The following PDE11A variants were observed in gnomAD, a reference collection of about 807,000 sequenced individuals.
The protein encoded by PDE11A is phosphodiesterase 11A.
A neutral mutation model predicts 100.5 loss-of-function variants in PDE11A; 100 were observed. The ratio of observed to expected loss-of-function variants is 1.00; its 90% CI spans 0.85 to 1.18. The LOEUF (loss-of-function observed/expected upper bound fraction) is 1.18, where lower values mean the gene tolerates loss of function less well. Ranked by LOEUF, PDE11A falls within the 50% of genes most tolerant of loss-of-function variation. PDE11A has a pLI of 0.00. For synonymous variants in PDE11A, 381 were observed against 420.8 expected (o/e 0.91, Z 1.16); for missense variants, 1,141 against 1,152.6 (o/e 0.99, Z 0.15).
chr2:177,905,913 C>T (rs543935681), intron 2 of PDE11A, among the ~76,000 whole-genome samples: 1 of 152,296 alleles, frequency 6.6e-6, no homozygotes. Flanking sequence ...GATGGGCCTA[C>T]CCCTAACAAA....
intron 3 of PDE11A, 37 bp from the exon 4 acceptor site, chr2:177,898,235 A>G: frequency 6.7e-7 from 1 of 1,487,124 alleles, no homozygotes; most frequent in Non-Finnish European, 9.3e-7. Context: ...AAGTGGATGT[A>G]AAACTGAAAA....
At chr2:178,088,322 C>G (rs761748884) in intron 2 of PDE11A, among the ~76,000 whole-genome samples, 22 of 152,194 alleles carry the variant, frequency 1.4e-4, no homozygotes, top group Non-Finnish European at 2.6e-4. Context: ...CATAAATGCT[C>G]AAAATTATTC....
chr2:177,929,595 C>T lies in PDE11A; in HGVS notation c.1072-24408G>A, dbSNP rs569995672. Among the ~76,000 whole-genome samples the T allele has an allele frequency of 2.0e-5, 3 of 152,304 alleles. No homozygotes were observed. In the South Asian group the frequency reaches 6.2e-4, roughly 32 times the overall value. On this transcript the variant is annotated intron_variant, in intron 2 of 19. Coordinates refer to ENST00000286063, the MANE Select transcript of PDE11A (RefSeq NM_016953.4). Reference sequence around the variant, plus strand: ...TGAAGTGGCTTCTGTGGTCTACCTTCCCTTTCAACATTTGGCATTTTCCTG... The same window carrying T: ...TGAAGTGGCTTCTGTGGTCTACCTTTCCTTTCAACATTTGGCATTTTCCTG...
intron 1 of PDE11A, among the ~76,000 whole-genome samples, chr2:178,020,055 CTCA>C (rs1252962051): frequency 1.3e-5 from 2 of 152,094 alleles, no homozygotes; most frequent in Admixed American, 6.5e-5. Flanking sequence ...CTCTGTTATC[CTCA>C]TATGAGAACC....
intron 2 of PDE11A, among the ~76,000 whole-genome samples, chr2:178,002,852 T>C (rs1380605372): frequency 6.6e-6 from 1 of 152,184 alleles, no homozygotes; most frequent in Non-Finnish European, 1.5e-5. Context: ...ATACTGCTAC[T>C]GGCATTATGA....
rs1482352439 is a variant in PDE11A at position 177,626,354 on chromosome 2, T to A, written c.*3053A>T. 1 of 152,608 alleles carries A rather than the reference T, an allele frequency of 6.6e-6. No homozygotes were observed. The highest frequency in any genetic ancestry group is 1.5e-5 in the Non-Finnish European group (1 of 68,040). The allele number at this position is 152,608 out of a possible 1,614,324, so 9.5% of individuals were successfully genotyped here. On this transcript the variant is annotated 3_prime_UTR_variant, in exon 20 of 20. Coordinates refer to ENST00000286063, the MANE Select transcript of PDE11A (RefSeq NM_016953.4). ...TCCATTTGTCTGGGCTATTTATTTA[T>A]TTATTGTTGGGGAGGATAACAGATG...
At chr2:177,897,982 C>A in intron 4 of PDE11A, 76 bp downstream of exon 4, 1 of 1,243,578 alleles carries the variant, frequency 8.0e-7, no homozygotes, top group Non-Finnish European at 1.2e-6. Flanking sequence ...CACAATTTCA[C>A]AAGTTTAATT....
At chr2:177,782,859 CTTCT>C (rs1346502235) in intron 9 of PDE11A, among the ~76,000 whole-genome samples, 5 of 151,168 alleles carry the variant, frequency 3.3e-5, no homozygotes, top group Non-Finnish European at 4.4e-5. Context: ...CCTTCCCTTC[CTTCT>C]TTCTCTATCT....
intron 1 of PDE11A, among the ~76,000 whole-genome samples, chr2:178,066,867 C>T (rs543059401): frequency 3.3e-5 from 5 of 152,322 alleles, no homozygotes; most frequent in African/African-American, 1.2e-4. Flanking sequence ...CTGGAGCTTG[C>T]TATGGATTAG....
chr2:177,638,402 C>T (rs1228882784), intron 19 of PDE11A, among the ~76,000 whole-genome samples: 1 of 151,998 alleles, frequency 6.6e-6, no homozygotes, highest in Admixed American at 6.6e-5. Flanking sequence ...TCAATCTTTC[C>T]TCTACCCTCT....
chr2:177,804,541 C>T (rs1297566888), intron 9 of PDE11A, among the ~76,000 whole-genome samples: 1 of 151,820 alleles, frequency 6.6e-6, no homozygotes, highest in African/African-American at 2.4e-5. Context: ...AAAAACAGAA[C>T]TACCATTCAA....
intron 4 of PDE11A, among the ~76,000 whole-genome samples, chr2:177,886,477 A>G (rs555760594): frequency 1.1e-4 from 16 of 152,346 alleles, no homozygotes; most frequent in African/African-American, 3.8e-4. Context: ...CACAGAGTTA[A>G]GATCTTGGTG....
At chr2:177,670,197 G>A (rs140546789) in intron 17 of PDE11A, among the ~76,000 whole-genome samples, 1 of 152,154 alleles carries the variant, frequency 6.6e-6, no homozygotes, top group African/African-American at 2.4e-5. Context: ...TGAAGAGCAT[G>A]ACTTGGTCTT....
intron 5 of PDE11A, among the ~76,000 whole-genome samples, chr2:177,873,706 A>G (rs1489719577): frequency 6.6e-6 from 1 of 152,154 alleles, no homozygotes; most frequent in African/African-American, 2.4e-5. Context: ...AAATGAACTG[A>G]TTTACTTTCT....
At chr2:177,747,620 CT>C (rs1257376090) in intron 10 of PDE11A, among the ~76,000 whole-genome samples, 1 of 152,224 alleles carries the variant, frequency 6.6e-6, no homozygotes, top group Non-Finnish European at 1.5e-5. Context: ...TCCTTTTCAC[CT>C]TTCTCCTTTC....
intron 12 of PDE11A, among the ~76,000 whole-genome samples, chr2:177,718,997 G>A (rs1384888221): frequency 6.6e-6 from 1 of 152,148 alleles, no homozygotes; most frequent in South Asian, 2.1e-4. Context: ...GTTACCCTTC[G>A]AGCCAGCAGA....
chr2:177,647,440 A>T (rs1019140778), intron 19 of PDE11A, among the ~76,000 whole-genome samples: 4 of 152,212 alleles, frequency 2.6e-5, no homozygotes, highest in Non-Finnish European at 5.9e-5. Context: ...CAAAGAATGT[A>T]TTCTAGAATA....
intron 2 of PDE11A, among the ~76,000 whole-genome samples, chr2:177,983,500 G>A (rs991647137): frequency 1.3e-5 from 2 of 152,082 alleles, no homozygotes; most frequent in Non-Finnish European, 2.9e-5. Flanking sequence ...CTGCAATGCA[G>A]AATAAAGATG....
intron 1 of PDE11A, among the ~76,000 whole-genome samples, chr2:178,107,718 T>TTC (rs1377974201): frequency 6.2e-4 from 92 of 149,122 alleles, no homozygotes; most frequent in Middle Eastern, 7.4e-3. Flanking sequence ...TTCCTTTTTT[T>TTC]TTCTTTTTTT....
Sources: allele counts gnomAD v4.1 joint callset (sites outside exome capture counted in the v4.1 genomes callset), GRCh38; gene constraint gnomAD v4.1.1; transcripts MANE v1.5; gene names NCBI Gene and HGNC (gene_info 2026-07-23, HGNC 2026-07-21).